The following ABL1 variants were observed in gnomAD, a reference collection of about 807,000 sequenced individuals.
ABL1 encodes ABL proto-oncogene 1, non-receptor tyrosine kinase.
A neutral mutation model predicts 94.7 loss-of-function variants in ABL1; 11 were observed. The ratio of observed to expected loss-of-function variants is 0.12; its 90% CI spans 0.07 to 0.19. The LOEUF (loss-of-function observed/expected upper bound fraction) is 0.19, where lower values mean the gene tolerates loss of function less well. Ranked by LOEUF, ABL1 falls within the 10% of genes least tolerant of loss-of-function variation. The pLI is 1.00. For missense variants in ABL1, 1,082 were observed against 1,489.4 expected (o/e 0.73, Z 4.50); for synonymous variants, 656 against 622.4 (o/e 1.05, Z -0.80).
intron 3 of ABL1, among the ~76,000 whole-genome samples, chr9:130,861,793 C>T (rs947278293): frequency 1.3e-5 from 2 of 152,284 alleles, no homozygotes; most frequent in African/African-American, 4.8e-5. Flanking sequence ...TGCCTGGAGT[C>T]CAGATGTTTT....
rs1442743776 is a variant in ABL1, at chr9:130,873,055, C to G, written c.1085+18C>G. 3.1e-6 allele frequency: 5 copies of G among 1,607,438 alleles called. No individual in the cohort carries two copies. The highest frequency in any genetic ancestry group is 4.3e-6 in the Non-Finnish European group (5 of 1,176,212). ...ATCCACAGGTAGGGGCCTGGCCAGG[C>G]AGCCTGCGCCATGGAGTCACAGGGC... On this transcript the variant is annotated intron_variant, in intron 6 of 10. Coordinates refer to ENST00000318560, the MANE Select transcript of ABL1 (RefSeq NM_005157.6).
rs1468361469 is a variant in ABL1, at chr9:130,754,280, G to A, written c.136+39825G>A. ...TCCCAGCACTTTGGGAGGCCGAGGC[G>A]GGTGGATTACGAGGTCAGGAGATCG... On this transcript the variant is annotated intron_variant, in intron 1 of 10. Transcript: ENST00000372348. 4.0e-5 allele frequency among the ~76,000 whole-genome samples: 6 copies of A among 150,914 alleles called. No individual in the cohort carries two copies. The East Asian group carries it at 7.8e-4, about 20-fold the overall frequency.
intron 1 of ABL1, among the ~76,000 whole-genome samples, chr9:130,728,320 C>T (rs555701869): frequency 8.9e-5 from 13 of 145,870 alleles, no homozygotes; most frequent in African/African-American, 2.3e-4. Flanking sequence ...TGCCCTCCTA[C>T]GCCTCCCAAA....
intron 1 of ABL1, among the ~76,000 whole-genome samples, chr9:130,730,860 C>T (rs1364211950): frequency 1.3e-5 from 2 of 152,006 alleles, no homozygotes; most frequent in Non-Finnish European, 2.9e-5. Context: ...GTGTGAGCTA[C>T]CGTGCCTAGC....
intron 1 of ABL1, among the ~76,000 whole-genome samples, chr9:130,820,807 C>G (rs1830350308): frequency 6.6e-6 from 1 of 152,074 alleles, no homozygotes; most frequent in Non-Finnish European, 1.5e-5. Context: ...TGCTTTTTCC[C>G]CTTTTTTATT....
At chr9:130,801,623 G>A (rs1354833822) in intron 1 of ABL1, among the ~76,000 whole-genome samples, 1 of 152,180 alleles carries the variant, frequency 6.6e-6, no homozygotes, top group East Asian at 1.9e-4. Flanking sequence ...ATTATAATCC[G>A]AGAGTATAGA....
At position 130,818,091 on chromosome 9, in the gene ABL1, G is replaced by C. The variant is rs182036719; in HGVS notation, c.137-35973G>C. 1.1e-3 allele frequency among the ~76,000 whole-genome samples: 169 copies of C among 152,318 alleles called. 1 individual carries two copies. The highest frequency in any genetic ancestry group is 0.01 in the Admixed American group (155 of 15,294). On this transcript the variant is annotated intron_variant, in intron 1 of 10. Coordinates refer to the ABL1 transcript ENST00000372348. ...CACACCATATGTATTCACACCAGTT[G>C]CTCCATTTGGTCTTCGTTCTGTGAC...
chr9:130,828,172 C>G (rs1830450446), intron 1 of ABL1, among the ~76,000 whole-genome samples: 1 of 152,092 alleles, frequency 6.6e-6, no homozygotes, highest in African/African-American at 2.4e-5. Flanking sequence ...GCAGCCCCAA[C>G]CTGCCTCAGC....
chr9:130,848,116 C>T (rs916030784), intron 1 of ABL1, among the ~76,000 whole-genome samples: 7 of 152,236 alleles, frequency 4.6e-5, no homozygotes, highest in Non-Finnish European at 8.8e-5. Context: ...ACGAGGTTGA[C>T]GCACCAGAGG....
chr9:130,735,002 C>T (rs867604721), intron 1 of ABL1, among the ~76,000 whole-genome samples: 2 of 151,874 alleles, frequency 1.3e-5, no homozygotes, highest in African/African-American at 2.4e-5. Context: ...GGCAGTTTTA[C>T]GATTTATTTT....
At chr9:130,834,914 GAAACTCGCCAA>G, upstream of ABL1, 1 of 455,886 alleles carries the variant, frequency 2.2e-6, no homozygotes, top group Non-Finnish European at 4.4e-6. Context: ...CGCGTACTGG[GAAACTCGCCAA>G]AAGCGGTGCA....
rs1831265004 is a variant in ABL1 at position 130,872,302 on chromosome 9, T to C, written c.907+89T>C. On this transcript the variant is annotated intron_variant, in intron 5 of 10. Transcript: ENST00000318560. This position sits in a 1 kb window ranked among gnomAD's most constrained non-coding sequence, Gnocchi z 5.0. ...TGGGGAAGACGCACGGGCGGCTCAC[T>C]GCACAAAACCTCGTTGGAATATTTG... 1.6e-6 allele frequency: 2 copies of C among 1,212,698 alleles called. No individual in the cohort carries two copies. Among genetic ancestry groups the C allele is most frequent in the Admixed American group, 2.2e-5 (1 of 46,088 alleles). 75.1% of individuals were successfully genotyped at this position (1,212,698 alleles called of 1,614,324 possible).
Position 130,880,009 on chromosome 9 carries a change from T to A in ABL1, c.1424-59T>A. 21 of 1,487,786 alleles carry A rather than the reference T, an allele frequency of 1.4e-5. No individual in the cohort carries two copies. The highest frequency in any genetic ancestry group is 2.0e-5 in the Non-Finnish European group (21 of 1,064,904). 92.2% of individuals were successfully genotyped at this position (1,487,786 alleles called of 1,614,324 possible). ...TTCTAGACTTTTCCTTGAGAACTGC[T>A]AGCCCCGTATTGCTAGCCAGATCTC... On this transcript the variant is annotated intron_variant, in intron 8 of 10. Transcript: ENST00000318560. The surrounding 1 kb of genome is among the most constrained non-coding windows in gnomAD (Gnocchi z 4.4).
At chr9:130,720,914 C>G (rs903212952) in intron 1 of ABL1, among the ~76,000 whole-genome samples, 2 of 151,678 alleles carry the variant, frequency 1.3e-5, no homozygotes, top group African/African-American at 4.8e-5. Context: ...ATAGAGTTGC[C>G]TTTTATTGAA....
chr9:130,801,664 T>C lies in ABL1; in HGVS notation c.137-52400T>C, dbSNP rs182883693. Among the ~76,000 whole-genome samples, 526 of 152,312 alleles carry C rather than the reference T, an allele frequency of 3.5e-3. 5 individuals are homozygous for C. The highest frequency in any genetic ancestry group is 0.012 in the African/African-American group (513 of 41,568). ...ACAAGTTTTTTGGTATTGGTTTTAG[T>C]TTTGGGTTGTGTCTTTTTGTTGTTG... is the stretch of plus-strand genomic sequence containing the variant. On this transcript the variant is annotated intron_variant, in intron 1 of 10. Transcript: ENST00000372348.
intron 1 of ABL1, among the ~76,000 whole-genome samples, chr9:130,726,427 T>C (rs1564269810): frequency 1.3e-5 from 2 of 152,208 alleles, no homozygotes; most frequent in African/African-American, 4.8e-5. Context: ...GTTATCCTTT[T>C]AATGTCTATA....
At chr9:130,736,325 T>C (rs1280668439) in intron 1 of ABL1, among the ~76,000 whole-genome samples, 1 of 152,228 alleles carries the variant, frequency 6.6e-6, no homozygotes, top group African/African-American at 2.4e-5. Flanking sequence ...CATTCTAGTT[T>C]ACAGTCCCAT....
rs1371170858 is a variant in ABL1 at position 130,814,426 on chromosome 9, CA to C, written c.137-39637del. Among the ~76,000 whole-genome samples the C allele has an allele frequency of 6.6e-6, 1 of 152,048 alleles. No homozygotes were observed. The highest frequency in any genetic ancestry group is 2.4e-5 in the African/African-American group (1 of 41,394). ...CTCATAAACCTCTACCCAGACTGAT[CA>C]GGGGAAAAAAGGGAAGACAATAACT... On this transcript the variant is annotated intron_variant, in intron 1 of 10. Coordinates refer to the ABL1 transcript ENST00000372348. This position sits in a 1 kb window ranked among gnomAD's most constrained non-coding sequence, Gnocchi z 4.4.
intron 1 of ABL1, among the ~76,000 whole-genome samples, chr9:130,763,482 G>A (rs111396711): frequency 9.7e-4 from 148 of 152,308 alleles, no homozygotes; most frequent in African/African-American, 3.4e-3. Flanking sequence ...TCAGAAGTGG[G>A]TTAGCTGAGT....
Sources: gnomAD v4.1 joint callset for allele counts (sites outside exome capture counted in the v4.1 genomes callset) on GRCh38, gnomAD v4.1.1 for gene constraint, Gnocchi (gnomAD v3.1) non-coding constraint, MANE v1.5 for transcripts, NCBI Gene and HGNC (gene_info 2026-07-23, HGNC 2026-07-21) for gene names.